The following CTNNA2 variants were observed in gnomAD, a reference collection of about 807,000 sequenced individuals.
The protein encoded by CTNNA2 is catenin alpha-2.
A neutral mutation model predicts 101.0 loss-of-function variants in CTNNA2; 42 were observed. The observed-to-expected ratio is 0.42, with a 90% CI of 0.32 to 0.54. The LOEUF (loss-of-function observed/expected upper bound fraction) is 0.54, where lower values mean the gene tolerates loss of function less well. Ranked by LOEUF, CTNNA2 falls within the 20% of genes least tolerant of loss-of-function variation. The pLI is 0.14. For synonymous variants in CTNNA2, 450 were observed against 456.4 expected (o/e 0.99, Z 0.18); for missense variants, 871 against 1,223.1 (o/e 0.71, Z 4.29).
intron 7 of CTNNA2, among the ~76,000 whole-genome samples, chr2:80,142,774 C>T (rs1195800250): frequency 2.0e-5 from 3 of 151,956 alleles, no homozygotes; most frequent in Admixed American, 6.6e-5. Context: ...ATGAGAGATG[C>T]GAAAGGGGCT....
chr2:80,210,631 G>A (rs925260989), intron 7 of CTNNA2, among the ~76,000 whole-genome samples: 23 of 152,164 alleles, frequency 1.5e-4, no homozygotes, highest in African/African-American at 4.1e-4. Flanking sequence ...CATTTGGGTT[G>A]GTTCCAAGTC....
rs556718488 is a variant in CTNNA2, at chr2:80,492,743, G to A, written c.1291-52239G>A. Among the ~76,000 whole-genome samples the A allele has an allele frequency of 9.2e-5, 14 of 152,280 alleles. No individual in the cohort carries two copies. In the East Asian group the frequency reaches 2.7e-3, roughly 29 times the overall value. ...CTTGCCCTTCTGTGACTGGGCACAT[G>A]CTGTTTCCTCTGGCTGGAATGCTTT... On this transcript the variant is annotated intron_variant, in intron 9 of 18. Transcript: ENST00000402739.
chr2:79,946,501 G>A (rs1434100), intron 7 of CTNNA2, among the ~76,000 whole-genome samples: 16,624 of 152,146 alleles, frequency 0.11, 1,187 homozygotes, highest in East Asian at 0.27. Context: ...GTTGAATATC[G>A]AAGTATATAT....
rs75934237 is a variant in CTNNA2 at position 79,851,499 on chromosome 2, G to A, written c.299-6514G>A. 3.9e-5 allele frequency among the ~76,000 whole-genome samples: 6 copies of A among 152,280 alleles called. No homozygotes were observed. In the East Asian group the frequency reaches 1.2e-3, roughly 30 times the overall value. On this transcript the variant is annotated intron_variant, in intron 3 of 18. Transcript: ENST00000402739. ...CTAAGGCTTTGGGAACCTGTGGTCA[G>A]TTTCCCTCACTAATGTTGCTTTCCT...
intron 4 of CTNNA2, among the ~76,000 whole-genome samples, chr2:79,452,848 T>G (rs1670772939): frequency 6.6e-6 from 1 of 152,082 alleles, no homozygotes; most frequent in Non-Finnish European, 1.5e-5. Flanking sequence ...ATTATAACTT[T>G]TATTGATTCT....
chr2:80,168,940 C>T (rs1009603397), intron 7 of CTNNA2, among the ~76,000 whole-genome samples: 4 of 152,208 alleles, frequency 2.6e-5, no homozygotes, highest in Admixed American at 2.0e-4. Flanking sequence ...GACCTTTGAT[C>T]TTGGCAAGAG....
At chr2:79,270,997 C>A (rs1023017241) in intron 2 of CTNNA2, among the ~76,000 whole-genome samples, 2 of 151,802 alleles carry the variant, frequency 1.3e-5, no homozygotes, top group African/African-American at 2.4e-5. Context: ...AAAACCTGAG[C>A]TGGAAAAGAA....
At chr2:80,589,024 T>C (rs888753239) in intron 14 of CTNNA2, among the ~76,000 whole-genome samples, 1 of 152,146 alleles carries the variant, frequency 6.6e-6, no homozygotes, top group African/African-American at 2.4e-5. Flanking sequence ...AACAAACATA[T>C]GCCATCAAAG....
chr2:80,365,295 C>A (rs772109881), intron 7 of CTNNA2, among the ~76,000 whole-genome samples: 8 of 152,146 alleles, frequency 5.3e-5, no homozygotes, highest in Non-Finnish European at 1.0e-4. Context: ...TTCTTCCCAT[C>A]AAAGAATGAG....
At chr2:79,585,734 T>TC (rs1032180575) in intron 1 of CTNNA2, among the ~76,000 whole-genome samples, 2 of 136,032 alleles carry the variant, frequency 1.5e-5, no homozygotes, top group Non-Finnish European at 3.2e-5. Context: ...CCTCCCTCCC[T>TC]CCCCCGGACA....
At chr2:79,658,652 A>T (rs979822619) in intron 2 of CTNNA2, among the ~76,000 whole-genome samples, 7 of 150,032 alleles carry the variant, frequency 4.7e-5, no homozygotes, top group Non-Finnish European at 7.4e-5. Context: ...TGAGTTGGCC[A>T]TCAGAATAGA....
At chr2:80,456,114 C>T (rs746012250) in intron 9 of CTNNA2, among the ~76,000 whole-genome samples, 5 of 152,130 alleles carry the variant, frequency 3.3e-5, no homozygotes, top group Admixed American at 1.3e-4. Context: ...TGCCTGGAGC[C>T]GGATGTGGGA....
At chr2:79,675,277 G>A (rs781742213) in intron 2 of CTNNA2, among the ~76,000 whole-genome samples, 2 of 152,162 alleles carry the variant, frequency 1.3e-5, no homozygotes, top group African/African-American at 4.8e-5. Flanking sequence ...TATATAATTG[G>A]TATTGATTCA....
chr2:79,448,085 C>A (rs1678852802), intron 4 of CTNNA2, among the ~76,000 whole-genome samples: 1 of 151,918 alleles, frequency 6.6e-6, no homozygotes, highest in Non-Finnish European at 1.5e-5. Flanking sequence ...TTCTTATAGA[C>A]AGTATAAATT....
chr2:80,054,649 G>T (rs949559222), intron 7 of CTNNA2, among the ~76,000 whole-genome samples: 1 of 152,112 alleles, frequency 6.6e-6, no homozygotes, highest in Non-Finnish European at 1.5e-5. Context: ...AATTAATATC[G>T]CAAGGAGATG....
intron 2 of CTNNA2, among the ~76,000 whole-genome samples, chr2:79,740,161 C>G (rs1671189105): frequency 6.6e-6 from 1 of 152,122 alleles, no homozygotes; most frequent in African/African-American, 2.4e-5. Context: ...TCTCTCCCTC[C>G]TCCCAACCTC....
intron 2 of CTNNA2, among the ~76,000 whole-genome samples, chr2:79,263,655 C>T (rs1184486275): frequency 6.6e-6 from 1 of 152,098 alleles, no homozygotes; most frequent in African/African-American, 2.4e-5. Flanking sequence ...AGAGGCAGGA[C>T]CTTTAAGAGG....
chr2:79,410,960 T>G (rs149215458), intron 4 of CTNNA2, among the ~76,000 whole-genome samples: 3,240 of 152,284 alleles, frequency 0.021, 134 homozygotes, highest in African/African-American at 0.072. Context: ...AGCTATTGAT[T>G]ATTGCCACAA....
chr2:79,979,583 G>T (rs1284243328), intron 7 of CTNNA2, among the ~76,000 whole-genome samples: 1 of 151,978 alleles, frequency 6.6e-6, no homozygotes, highest in African/African-American at 2.4e-5. Context: ...AATTGGATGG[G>T]GCTTTGAAAT....
Sources: gnomAD v4.1 joint callset for allele counts (sites outside exome capture counted in the v4.1 genomes callset) on GRCh38, gnomAD v4.1.1 for gene constraint, MANE v1.5 for transcripts, NCBI Gene and HGNC (gene_info 2026-07-23, HGNC 2026-07-21) for gene names.